PTPRG: variants seen among roughly 807,000 people sequenced by gnomAD.
The protein encoded by PTPRG is protein tyrosine phosphatase receptor type G, also known as receptor-type tyrosine-protein phosphatase gamma.
Under a neutral mutation model 165.3 loss-of-function variants are expected in PTPRG, and 102 were observed. The observed-to-expected ratio is 0.62, with a 90% confidence interval of 0.53 to 0.73. The LOEUF (loss-of-function observed/expected upper bound fraction) is 0.73. Among genes scored for constraint, PTPRG ranks in the 30% least tolerant of loss-of-function variants. PTPRG has a pLI of 0.00. For missense variants in PTPRG, 1,866 were observed against 1,861.4 expected (o/e 1.00, Z -0.05); for synonymous variants, 675 against 669.5 (o/e 1.01, Z -0.13).
intron 4 of PTPRG, among the ~76,000 whole-genome samples, chr3:62,052,211 AATG>A (rs1700490264): frequency 6.6e-6 from 1 of 152,294 alleles, no homozygotes; most frequent in South Asian, 2.1e-4. Flanking sequence ...GATACTTTAA[AATG>A]ATGTTTCTTT....
chr3:62,070,588 ATTAGAG>A (rs1437644324), intron 4 of PTPRG, among the ~76,000 whole-genome samples: 3 of 152,252 alleles, frequency 2.0e-5, no homozygotes, highest in Non-Finnish European at 4.4e-5. Context: ...CAATGGCAGA[ATTAGAG>A]TTAGAGTGTA....
At chr3:62,159,233 A>C (rs1174176866) in intron 7 of PTPRG, among the ~76,000 whole-genome samples, 2 of 151,898 alleles carry the variant, frequency 1.3e-5, no homozygotes. Flanking sequence ...TGGGAGGCTG[A>C]GGGGGGAGGA....
rs990484099 is a variant in PTPRG, at chr3:61,742,782, C to T, written c.86-6096C>T. On this transcript the variant is annotated intron_variant, in intron 1 of 29. Transcript: ENST00000474889. ...TGATCAGAGACTCTGAGGCCAAAAA[C>T]GCATCATACTTCTTGGCCAGCTTCT... 17 of 1,611,340 alleles carry T rather than the reference C, an allele frequency of 1.1e-5. No homozygotes were observed. The Middle Eastern group carries it at 8.4e-4, about 80-fold the overall frequency.
intron 2 of PTPRG, among the ~76,000 whole-genome samples, chr3:61,975,920 C>A (rs987164274): frequency 6.6e-6 from 1 of 152,116 alleles, no homozygotes; most frequent in African/African-American, 2.4e-5. Flanking sequence ...TCCTTGTATA[C>A]CCCTATTTAT....
intron 1 of PTPRG, among the ~76,000 whole-genome samples, chr3:61,734,900 G>C (rs2032658777): frequency 6.6e-6 from 1 of 152,144 alleles, no homozygotes; most frequent in Non-Finnish European, 1.5e-5. Flanking sequence ...TTTCAATTTT[G>C]AATGTGAGCT....
intron 2 of PTPRG, among the ~76,000 whole-genome samples, chr3:61,893,533 G>A (rs1235503880): frequency 6.6e-6 from 1 of 152,174 alleles, no homozygotes; most frequent in East Asian, 1.9e-4. Context: ...CCGCTATGGC[G>A]CAGCTGCCTC....
intron 4 of PTPRG, among the ~76,000 whole-genome samples, chr3:62,025,110 A>G (rs993773381): frequency 7.9e-5 from 12 of 152,204 alleles, no homozygotes; most frequent in Admixed American, 6.5e-5. Context: ...TGGGCAGTGA[A>G]GTCAGAGTTA....
In PTPRG at chr3:61,856,940, G is replaced by A. The variant is rs369298471; in HGVS notation, c.190+107958G>A. Among the ~76,000 whole-genome samples, 5 of 152,250 alleles carry A rather than the reference G, an allele frequency of 3.3e-5. No homozygotes were observed. The South Asian group carries it at 1.0e-3, about 32-fold the overall frequency. ...GCTATATGATGTCTTGACTGCTGTC[G>A]CTCAAGCTGATGACTTTCAAGTCTT... On this transcript the variant is annotated intron_variant, in intron 2 of 29. Coordinates refer to ENST00000474889, the MANE Select transcript of PTPRG (RefSeq NM_002841.4).
chr3:62,097,696 T>C (rs1702163203), intron 5 of PTPRG, among the ~76,000 whole-genome samples: 1 of 152,258 alleles, frequency 6.6e-6, no homozygotes, highest in African/African-American at 2.4e-5. Flanking sequence ...TGTGCATTTT[T>C]AATAAAGAAG....
intron 6 of PTPRG, among the ~76,000 whole-genome samples, chr3:62,134,465 AT>A (rs1401735440): frequency 1.3e-5 from 2 of 152,096 alleles, no homozygotes; most frequent in Non-Finnish European, 2.9e-5. Flanking sequence ...CAGCTTGTGC[AT>A]TTGCTGTTTC....
At chr3:62,121,110 ATTT>A (rs67168345) in intron 5 of PTPRG, among the ~76,000 whole-genome samples, 3 of 141,536 alleles carry the variant, frequency 2.1e-5, no homozygotes, top group Non-Finnish European at 1.5e-5. Context: ...AGCCTGGCTA[ATTT>A]TTTTTTTTTT....
intron 1 of PTPRG, among the ~76,000 whole-genome samples, chr3:61,648,120 A>G (rs942027795): frequency 6.6e-6 from 1 of 151,962 alleles, no homozygotes; most frequent in African/African-American, 2.4e-5. Flanking sequence ...GTCACCTGAG[A>G]ATATCCTGAC....
rs5849464 is a variant in PTPRG at position 62,160,864 on chromosome 3, ATT to A, written c.840+3663_840+3664del. 4.3e-4 allele frequency among the ~76,000 whole-genome samples: 45 copies of A among 103,980 alleles called. 1 individual carries two copies. The South Asian group carries it at 0.016, about 36-fold the overall frequency. The allele number at this position is 103,980 out of a possible 152,430, so 68.2% of individuals were successfully genotyped here. On this transcript the variant is annotated intron_variant, in intron 7 of 29. Coordinates refer to ENST00000474889, the MANE Select transcript of PTPRG (RefSeq NM_002841.4). Reference sequence around the variant, plus strand: ...TACTTTGTTTACCTTTAGATGTGTGATTTTTTTTTTTTTTTTTTTTTTTTCTG... The same window carrying A: ...TACTTTGTTTACCTTTAGATGTGTGATTTTTTTTTTTTTTTTTTTTTTCTG...
intron 1 of PTPRG, among the ~76,000 whole-genome samples, chr3:61,679,102 A>T (rs909061007): frequency 1.3e-5 from 2 of 152,228 alleles, no homozygotes; most frequent in Admixed American, 1.3e-4. Flanking sequence ...AGATTGGGCC[A>T]CAGTCAAATC....
intron 1 of PTPRG, among the ~76,000 whole-genome samples, chr3:61,626,657 A>G (rs530286572): frequency 1.2e-4 from 19 of 152,190 alleles, no homozygotes; most frequent in Non-Finnish European, 2.8e-4. Context: ...GCTCTTCACT[A>G]TTGCTGCACA....
intron 2 of PTPRG, among the ~76,000 whole-genome samples, chr3:61,832,029 A>T (rs2036311230): frequency 6.6e-6 from 1 of 152,228 alleles, no homozygotes; most frequent in African/African-American, 2.4e-5. Flanking sequence ...TTATACATGG[A>T]TTTATACATT....
intron 2 of PTPRG, among the ~76,000 whole-genome samples, chr3:61,969,341 A>G (rs754310727): frequency 6.6e-6 from 1 of 152,188 alleles, no homozygotes; most frequent in Non-Finnish European, 1.5e-5. Context: ...TTGAATGAAT[A>G]TTTGCATCAA....
intron 2 of PTPRG, among the ~76,000 whole-genome samples, chr3:61,889,243 T>C (rs1395044039): frequency 1.3e-5 from 2 of 152,238 alleles, no homozygotes; most frequent in African/African-American, 4.8e-5. Context: ...ACCTTTGTTG[T>C]CATTCTACTG....
intron 1 of PTPRG, among the ~76,000 whole-genome samples, chr3:61,591,741 A>G (rs1442797730): frequency 6.6e-6 from 1 of 152,168 alleles, no homozygotes; most frequent in East Asian, 1.9e-4. Flanking sequence ...AGCACTATGT[A>G]TAGTGGTTGG....
Sources: gnomAD v4.1 joint callset for allele counts (sites outside exome capture counted in the v4.1 genomes callset) on GRCh38, gnomAD v4.1.1 for gene constraint, MANE v1.5 for transcripts, NCBI Gene and HGNC (gene_info 2026-07-23, HGNC 2026-07-21) for gene names.